The following KLRD1 variants were observed in gnomAD, a reference collection of about 807,000 sequenced individuals.
KLRD1 encodes natural killer cells antigen CD94.
Under a neutral mutation model 22.6 loss-of-function variants are expected in KLRD1, and 21 were observed. The ratio of observed to expected loss-of-function variants is 0.93; its 90% confidence interval spans 0.66 to 1.34. The LOEUF is 1.34. Among genes scored for constraint, KLRD1 ranks in the 40% most tolerant of loss-of-function variants. The probability of loss-of-function intolerance (pLI) is 0.00; values close to 1 mark genes in which losing one functional copy is unlikely to be tolerated. For synonymous variants in KLRD1, 59 were observed against 71.1 expected (o/e 0.83, Z 0.85); for missense variants, 183 against 208.6 (o/e 0.88, Z 0.76).
chr12:10,239,446 C>CT (rs1302793736), intron 1 of KLRD1, among the ~76,000 whole-genome samples: 2 of 37,912 alleles, frequency 5.3e-5, no homozygotes, highest in African/African-American at 2.4e-4. Flanking sequence ...TCCTTCCTTC[C>CT]TTCCTTCCTT....
chr12:10,239,421 C>CTTCCTTCCTTCCTTCCT (rs756329764), intron 1 of KLRD1, among the ~76,000 whole-genome samples: 4 of 41,626 alleles, frequency 9.6e-5, no homozygotes, highest in African/African-American at 3.6e-4. Context: ...TCCTTCTTTC[C>CTTCCTTCCTTCCTTCCT]ATCCTTCCTT....
At chr12:10,263,679 T>G (rs1253087459) in intron 1 of KLRD1, among the ~76,000 whole-genome samples, 2 of 152,106 alleles carry the variant, frequency 1.3e-5, no homozygotes. Flanking sequence ...CTGTACAAAC[T>G]CATGTCCCCA....
intron 1 of KLRD1, among the ~76,000 whole-genome samples, chr12:10,289,474 T>C (rs1387560753): frequency 6.6e-6 from 1 of 152,240 alleles, no homozygotes; most frequent in Non-Finnish European, 1.5e-5. Context: ...TTATTCAAAA[T>C]GTATGTTGCT....
Position 10,328,798 on chromosome 12 carries a change from G to A in KLRD1, c.*14005G>A, listed in dbSNP as rs1304340150. The A allele has an allele frequency of 6.6e-6, 1 of 152,216 alleles. No individual in the cohort carries two copies. The highest frequency in any genetic ancestry group is 2.4e-5 in the African/African-American group (1 of 41,438). 9.4% of individuals were successfully genotyped at this position (152,216 alleles called of 1,614,324 possible). On this transcript the variant is annotated 3_prime_UTR_variant, in exon 6 of 6. Coordinates refer to ENST00000336164, the MANE Select transcript of KLRD1 (RefSeq NM_002262.5). Reference sequence around the variant, plus strand: ...ACTGGGTAATTTGTAAAGAAAAAGAGGTTTAATGGACTCACAGTTCCACGT... The same window carrying A: ...ACTGGGTAATTTGTAAAGAAAAAGAAGTTTAATGGACTCACAGTTCCACGT...
At chr12:10,312,893 A>G (rs1252483565) in intron 4 of KLRD1, among the ~76,000 whole-genome samples, 3 of 151,610 alleles carry the variant, frequency 2.0e-5, no homozygotes, top group African/African-American at 4.8e-5. Flanking sequence ...AGGCGGAGGC[A>G]GGAGAATGGC....
upstream of KLRD1, among the ~76,000 whole-genome samples, chr12:10,304,187 C>G (rs755527739): frequency 6.6e-6 from 1 of 152,124 alleles, no homozygotes; most frequent in Non-Finnish European, 1.5e-5. Context: ...CCCAGGCCTG[C>G]AAAAGCACCC....
chr12:10,314,183 G>T (rs548440466), intron 5 of KLRD1, among the ~76,000 whole-genome samples: 37 of 123,688 alleles, frequency 3.0e-4, no homozygotes, highest in African/African-American at 1.1e-3. Flanking sequence ...CAAAAAAATA[G>T]TATATTTATT....
At chr12:10,307,035 T>C (rs1451684066), upstream of KLRD1, among the ~76,000 whole-genome samples, 1 of 152,202 alleles carries the variant, frequency 6.6e-6, no homozygotes, top group African/African-American at 2.4e-5. Flanking sequence ...TACTAAATCA[T>C]GGATCGAAAT....
At chr12:10,272,698 C>A (rs545792724) in intron 1 of KLRD1, among the ~76,000 whole-genome samples, 2 of 152,058 alleles carry the variant, frequency 1.3e-5, no homozygotes, top group Non-Finnish European at 2.9e-5. Flanking sequence ...CTTAATATTG[C>A]GACATCAGAG....
In KLRD1 at chr12:10,320,398, G is replaced by C. The variant is rs1180291896; in HGVS notation, c.*5605G>C. The C allele has an allele frequency of 6.6e-6, 1 of 152,092 alleles. No homozygotes were observed. Among genetic ancestry groups the C allele is most frequent in the Non-Finnish European group, 1.5e-5 (1 of 67,996 alleles). 9.4% of individuals were successfully genotyped at this position (152,092 alleles called of 1,614,324 possible). A position where few individuals can be genotyped will look rare whatever the true frequency, so the allele number is the denominator to read the frequency against. ...GAAAACATATTAGAAACTGGAGAAA[G>C]TAAAAATCTTTCTATTTAGTACCAG... On this transcript the variant is annotated 3_prime_UTR_variant, in exon 6 of 6. Coordinates refer to ENST00000336164, the MANE Select transcript of KLRD1 (RefSeq NM_002262.5).
intron 1 of KLRD1, among the ~76,000 whole-genome samples, chr12:10,265,830 T>A (rs1371087535): frequency 2.0e-5 from 3 of 152,246 alleles, no homozygotes; most frequent in Admixed American, 2.0e-4. Flanking sequence ...GTCTAACATG[T>A]CCCTGTACAG....
At chr12:10,279,273 G>C (rs1486407932) in intron 1 of KLRD1, among the ~76,000 whole-genome samples, 1 of 152,062 alleles carries the variant, frequency 6.6e-6, no homozygotes, top group Non-Finnish European at 1.5e-5. Context: ...GTGTTAGTTT[G>C]CTTAGGATAA....
intron 1 of KLRD1, among the ~76,000 whole-genome samples, chr12:10,251,111 G>A (rs1949342587): frequency 6.6e-6 from 1 of 151,958 alleles, no homozygotes; most frequent in South Asian, 2.1e-4. Flanking sequence ...GGGACAGTGA[G>A]TGATTATTTG....
intron 1 of KLRD1, among the ~76,000 whole-genome samples, chr12:10,270,529 A>G (rs1368564814): frequency 6.6e-6 from 1 of 152,180 alleles, no homozygotes; most frequent in African/African-American, 2.4e-5. Flanking sequence ...CACCAAGAAT[A>G]TTTAACCCAC....
At chr12:10,285,649 C>T (rs1402785089) in intron 1 of KLRD1, among the ~76,000 whole-genome samples, 2 of 152,118 alleles carry the variant, frequency 1.3e-5, no homozygotes, top group South Asian at 2.1e-4. Context: ...CTACAAAACA[C>T]GCTATCTCTA....
At chr12:10,298,989 C>T (rs1488700928) in intron 1 of KLRD1, among the ~76,000 whole-genome samples, 1 of 152,184 alleles carries the variant, frequency 6.6e-6, no homozygotes, top group African/African-American at 2.4e-5. Flanking sequence ...GTCTCAGCAG[C>T]TTACCCTGGT....
intron 1 of KLRD1, among the ~76,000 whole-genome samples, chr12:10,281,349 G>T (rs1045702769): frequency 6.6e-6 from 1 of 152,164 alleles, no homozygotes; most frequent in Non-Finnish European, 1.5e-5. Flanking sequence ...AACTGTAAGA[G>T]AATAATTTTT....
chr12:10,239,518 C>CCTTTCTTTCTTTTT (rs1949218599), intron 1 of KLRD1, among the ~76,000 whole-genome samples: 1 of 59,466 alleles, frequency 1.7e-5, no homozygotes, highest in African/African-American at 5.5e-5. Context: ...CCTTCCCTCC[C>CCTTTCTTTCTTTTT]CTTTCTTTCT....
At chr12:10,286,585 A>G (rs961378044) in intron 1 of KLRD1, among the ~76,000 whole-genome samples, 1 of 149,462 alleles carries the variant, frequency 6.7e-6, no homozygotes, top group Non-Finnish European at 1.5e-5. Context: ...AAGAATAATT[A>G]CCTGATAAGG....
Sources: gnomAD v4.1 joint callset for allele counts (sites outside exome capture counted in the v4.1 genomes callset) on GRCh38, gnomAD v4.1.1 for gene constraint, MANE v1.5 for transcripts, NCBI Gene and HGNC (gene_info 2026-07-23, HGNC 2026-07-21) for gene names.